Variants in IGBP1C observed in about 807,000 individuals in gnomAD.
IGBP1C encodes IGBP1 family member C.
chr17:58,682,823 C>T, the IGBP1C span, among the ~76,000 whole-genome samples: 1 of 152,138 alleles, frequency 6.6e-6, no homozygotes, highest in Non-Finnish European at 1.5e-5. Flanking sequence ...CCTCCACTGC[C>T]TTGTAACTCT....
At chr17:58,682,860 T>A in the IGBP1C span, among the ~76,000 whole-genome samples, 1 of 152,028 alleles carries the variant, frequency 6.6e-6, no homozygotes, top group Admixed American at 6.6e-5. Context: ...ATGTTACTGT[T>A]ATAATCCTCA....
At chr17:58,666,651 G>C in the IGBP1C span, 1 of 152,068 alleles carries the variant, frequency 6.6e-6, no homozygotes, top group Non-Finnish European at 1.5e-5. Flanking sequence ...CACACACAGG[G>C]AAAAACCACC....
At chr17:58,668,704 A>T in the IGBP1C span, among the ~76,000 whole-genome samples, 1 of 152,098 alleles carries the variant, frequency 6.6e-6, no homozygotes, top group Non-Finnish European at 1.5e-5. Context: ...TTTTATTTTT[A>T]TGCACACACA....
At chr17:58,682,471 T>C in the IGBP1C span, among the ~76,000 whole-genome samples, 1 of 152,060 alleles carries the variant, frequency 6.6e-6, no homozygotes, top group Non-Finnish European at 1.5e-5. Context: ...TTGGCGAGGC[T>C]GGTCTCGAAC....
At chr17:58,684,051 G>A in the IGBP1C span, among the ~76,000 whole-genome samples, 2 of 151,910 alleles carry the variant, frequency 1.3e-5, no homozygotes, top group East Asian at 1.9e-4. Flanking sequence ...GCTACAGAGC[G>A]ATAGGACCTA....
the IGBP1C span, chr17:58,661,235 C>A: frequency 6.3e-6 from 5 of 794,912 alleles, no homozygotes; most frequent in Non-Finnish European, 1.2e-5. Flanking sequence ...CTCGGCCACA[C>A]GATAGTAATG....
At chr17:58,688,579 A>G in the IGBP1C span, among the ~76,000 whole-genome samples, 1 of 152,162 alleles carries the variant, frequency 6.6e-6, no homozygotes, top group Admixed American at 6.6e-5. Context: ...TAAGTACTGT[A>G]TATGTGTTAA....
the IGBP1C span, among the ~76,000 whole-genome samples, chr17:58,670,692 G>A: frequency 7.3e-6 from 1 of 136,134 alleles, no homozygotes; most frequent in Non-Finnish European, 1.5e-5. Flanking sequence ...ATAATTGCTT[G>A]AACCCGGGAG....
the IGBP1C span, among the ~76,000 whole-genome samples, chr17:58,675,069 C>T: frequency 1.8e-3 from 280 of 151,806 alleles, 11 homozygotes; most frequent in East Asian, 0.051. Context: ...TCACTTGAGC[C>T]TGGGAGGTGG....
chr17:58,671,028 C>T, the IGBP1C span, among the ~76,000 whole-genome samples: 1 of 152,054 alleles, frequency 6.6e-6, no homozygotes, highest in African/African-American at 2.4e-5. Context: ...CCTTCTGGAA[C>T]TCTCATTGCA....
At chr17:58,669,061 G>A in the IGBP1C span, among the ~76,000 whole-genome samples, 1 of 152,152 alleles carries the variant, frequency 6.6e-6, no homozygotes, top group Non-Finnish European at 1.5e-5. Flanking sequence ...GTAAAAAAGG[G>A]GGAGACAATG....
chr17:58,669,603 G>A, the IGBP1C span, among the ~76,000 whole-genome samples: 3 of 147,592 alleles, frequency 2.0e-5, no homozygotes, highest in Non-Finnish European at 4.5e-5. Flanking sequence ...GTGTGGTGGC[G>A]CATGCCTGTA....
At chr17:58,672,580 C>T in the IGBP1C span, among the ~76,000 whole-genome samples, 45,250 of 151,964 alleles carry the variant, frequency 0.3, 7,223 homozygotes, top group Middle Eastern at 0.48. Flanking sequence ...ATTATAGGCA[C>T]GCGCCACCAG....
the IGBP1C span, among the ~76,000 whole-genome samples, chr17:58,679,981 T>C: frequency 6.6e-6 from 1 of 152,120 alleles, no homozygotes; most frequent in African/African-American, 2.4e-5. Flanking sequence ...ACGACTGAAA[T>C]AAAACTTAAA....
chr17:58,681,607 T>C, the IGBP1C span, among the ~76,000 whole-genome samples: 2 of 152,004 alleles, frequency 1.3e-5, no homozygotes, highest in African/African-American at 4.8e-5. Context: ...CCCAGTACTG[T>C]GGGAGGCCGA....
the IGBP1C span, among the ~76,000 whole-genome samples, chr17:58,688,116 T>G: frequency 4.0e-5 from 6 of 151,716 alleles, no homozygotes; most frequent in African/African-American, 1.5e-4. Flanking sequence ...ATTATAGACT[T>G]TTTTTGTTTT....
chr17:58,691,706 A>C, the IGBP1C span, among the ~76,000 whole-genome samples: 1 of 151,296 alleles, frequency 6.6e-6, no homozygotes, highest in African/African-American at 2.4e-5. Flanking sequence ...GTAGGGAATA[A>C]GTTACCCCCT....
chr17:58,683,926 G>A, the IGBP1C span, among the ~76,000 whole-genome samples: 36 of 146,128 alleles, frequency 2.5e-4, no homozygotes, highest in Middle Eastern at 0.013. Flanking sequence ...TTAGCTGGGC[G>A]TGGTGGTGCA....
At chr17:58,680,745 C>T in the IGBP1C span, among the ~76,000 whole-genome samples, 166 of 151,936 alleles carry the variant, frequency 1.1e-3, 2 homozygotes, top group African/African-American at 3.5e-3. Context: ...CAAAAAAACC[C>T]CACAAAAACC....
Sources: allele counts gnomAD v4.1 joint callset (sites outside exome capture counted in the v4.1 genomes callset), GRCh38; gene constraint gnomAD v4.1.1; transcripts MANE v1.5; gene names NCBI Gene and HGNC (gene_info 2026-07-23, HGNC 2026-07-21).